The following KHDRBS2 variants were observed in gnomAD, a reference collection of about 807,000 sequenced individuals.
KHDRBS2 encodes the protein KH RNA binding domain containing, signal transduction associated 2.
In KHDRBS2, 26 loss-of-function variants were observed where a neutral mutation model predicts 44.3. The observed-to-expected ratio is 0.59, with a 90% CI of 0.43 to 0.81. The LOEUF (loss-of-function observed/expected upper bound fraction) is 0.81, where lower values mean the gene tolerates loss of function less well. Ranked by LOEUF, KHDRBS2 falls within the 40% of genes least tolerant of loss-of-function variation. KHDRBS2 has a pLI of 0.00. For missense variants in KHDRBS2, 476 were observed against 433.1 expected, an observed-to-expected ratio of 1.10 and a Z score of -0.88; for synonymous variants, 194 against 151.1, an observed-to-expected ratio of 1.28 and a Z score of -2.08.
intron 4 of KHDRBS2, among the ~76,000 whole-genome samples, chr6:61,936,222 A>G (rs1810989259): frequency 6.6e-6 from 1 of 152,030 alleles, no homozygotes. Flanking sequence ...TGTACCTTCC[A>G]CTAGATTGAT....
At chr6:62,228,447 G>A (rs1271222228) in intron 1 of KHDRBS2, among the ~76,000 whole-genome samples, 1 of 151,748 alleles carries the variant, frequency 6.6e-6, no homozygotes, top group African/African-American at 2.4e-5. Context: ...GAGTCTATCT[G>A]TTTTGTTATC....
the KHDRBS2 span, among the ~76,000 whole-genome samples, chr6:61,654,184 A>AT: frequency 4.6e-5 from 7 of 152,220 alleles, no homozygotes; most frequent in Non-Finnish European, 7.4e-5. Flanking sequence ...GGGCGCTAAC[A>AT]TTTGATAGAC....
chr6:62,148,744 T>C (rs1218657199), intron 2 of KHDRBS2, among the ~76,000 whole-genome samples: 1 of 152,106 alleles, frequency 6.6e-6, no homozygotes, highest in Admixed American at 6.6e-5. Context: ...TGTAAATTGA[T>C]AGCCTGTCTT....
At chr6:61,978,407 T>C (rs1773160718) in intron 3 of KHDRBS2, among the ~76,000 whole-genome samples, 195 bp from the exon 4 acceptor site, 1 of 152,052 alleles carries the variant, frequency 6.6e-6, no homozygotes, top group Admixed American at 6.6e-5. Context: ...TTTTTGAGTG[T>C]TTGAATGATT....
chr6:61,586,944 C>T, the KHDRBS2 span, among the ~76,000 whole-genome samples: 1 of 152,280 alleles, frequency 6.6e-6, no homozygotes, highest in East Asian at 1.9e-4. Flanking sequence ...ACTAATAATA[C>T]ATGAGAAAAC....
At chr6:61,554,872 G>C in the KHDRBS2 span, among the ~76,000 whole-genome samples, 4 of 152,124 alleles carry the variant, frequency 2.6e-5, no homozygotes, top group African/African-American at 4.8e-5. Flanking sequence ...TCTGCTGTAA[G>C]GCCCACTGTT....
At chr6:61,754,843 T>G (rs1778254257) in intron 6 of KHDRBS2, among the ~76,000 whole-genome samples, 1 of 152,136 alleles carries the variant, frequency 6.6e-6, no homozygotes, top group African/African-American at 2.4e-5. Flanking sequence ...TAGTGTAAGG[T>G]GTTGCTCTGC....
intron 7 of KHDRBS2, among the ~76,000 whole-genome samples, chr6:61,703,214 T>A (rs780743083): frequency 6.6e-6 from 1 of 151,854 alleles, no homozygotes; most frequent in African/African-American, 2.4e-5. Context: ...ACAAATGTAA[T>A]AAAAATAGCA....
chr6:62,088,053 A>G (rs1357862709), intron 2 of KHDRBS2, among the ~76,000 whole-genome samples: 1 of 152,054 alleles, frequency 6.6e-6, no homozygotes, highest in Admixed American at 6.6e-5. Flanking sequence ...CAGGTTATTT[A>G]TGTTCTTCTC....
chr6:61,791,226 G>A (rs1409882014), intron 6 of KHDRBS2, among the ~76,000 whole-genome samples: 2 of 150,732 alleles, frequency 1.3e-5, no homozygotes, highest in Non-Finnish European at 3.0e-5. Context: ...GCCTCACTCC[G>A]GAATGTTTCT....
At position 62,165,052 on chromosome 6, in the gene KHDRBS2, T is replaced by C. The variant is rs544469662; in HGVS notation, c.219+12133A>G. Among the ~76,000 whole-genome samples the C allele has an allele frequency of 7.9e-5, 12 of 151,946 alleles. No individual in the cohort carries two copies. In the South Asian group the frequency reaches 2.5e-3, roughly 31 times the overall value. ...CATGTGTTTCAAATATTCATATACA[T>C]TTAGAATTTTCTTTTTGATTTTAGT... On this transcript the variant is annotated intron_variant, in intron 2 of 8. Coordinates refer to ENST00000281156, the MANE Select transcript of KHDRBS2 (RefSeq NM_152688.4).
chr6:61,976,934 T>C (rs546352351), intron 4 of KHDRBS2, among the ~76,000 whole-genome samples: 118 of 152,268 alleles, frequency 7.7e-4, no homozygotes, highest in African/African-American at 2.6e-3. Context: ...CATCAGATAA[T>C]AAATTGTGCA....
intron 1 of KHDRBS2, among the ~76,000 whole-genome samples, chr6:62,243,116 G>A (rs775920264): frequency 1.3e-5 from 2 of 152,014 alleles, no homozygotes; most frequent in Non-Finnish European, 1.5e-5. Context: ...AGTTGTTCTA[G>A]AAATACAATA....
intron 5 of KHDRBS2, among the ~76,000 whole-genome samples, chr6:61,899,468 T>C (rs113238146): frequency 2.6e-4 from 40 of 152,034 alleles, no homozygotes; most frequent in Non-Finnish European, 4.9e-4. Flanking sequence ...ATCTGTATGT[T>C]ATATGGGATT....
chr6:61,557,183 T>A, the KHDRBS2 span, among the ~76,000 whole-genome samples: 1 of 152,162 alleles, frequency 6.6e-6, no homozygotes, highest in African/African-American at 2.4e-5. Context: ...CAGGATTTTG[T>A]TTTAGAATAG....
At chr6:62,109,359 G>A (rs1054468326) in intron 2 of KHDRBS2, among the ~76,000 whole-genome samples, 3 of 151,568 alleles carry the variant, frequency 2.0e-5, no homozygotes, top group Admixed American at 2.0e-4. Context: ...TTTTTTTCAA[G>A]AGCATCTTCA....
intron 4 of KHDRBS2, among the ~76,000 whole-genome samples, chr6:61,967,033 ATT>A (rs1169319389): frequency 6.6e-6 from 1 of 151,788 alleles, no homozygotes; most frequent in East Asian, 1.9e-4. Context: ...AATTATGTAT[ATT>A]TTTAACTGAG....
At chr6:61,673,109 TC>T in the KHDRBS2 span, among the ~76,000 whole-genome samples, 1 of 151,912 alleles carries the variant, frequency 6.6e-6, no homozygotes, top group Non-Finnish European at 1.5e-5. Context: ...AGGGAATCCT[TC>T]CCCCATTGCT....
intron 6 of KHDRBS2, among the ~76,000 whole-genome samples, chr6:61,774,999 A>T (rs569520695): frequency 6.6e-6 from 1 of 152,288 alleles, no homozygotes; most frequent in South Asian, 2.1e-4. Context: ...ACACAAATCA[A>T]TAAATGTAAT....
Sources: gnomAD v4.1 joint callset for allele counts (sites outside exome capture counted in the v4.1 genomes callset) on GRCh38, gnomAD v4.1.1 for gene constraint, MANE v1.5 for transcripts, NCBI Gene and HGNC (gene_info 2026-07-23, HGNC 2026-07-21) for gene names.